The following KIF26B variants were observed in gnomAD, a reference collection of about 807,000 sequenced individuals.
The protein encoded by KIF26B is kinesin-like protein KIF26B.
Under a neutral mutation model 151.2 loss-of-function variants are expected in KIF26B, and 63 were observed. The ratio of observed to expected loss-of-function variants is 0.42; its 90% CI spans 0.34 to 0.51. The LOEUF (loss-of-function observed/expected upper bound fraction) is 0.51, where lower values mean the gene tolerates loss of function less well. KIF26B is among the 20% of genes least tolerant of loss of function. KIF26B has a pLI of 0.07. For missense variants in KIF26B, 2,813 were observed against 2,913.6 expected, an observed-to-expected ratio of 0.97 and a Z score of 0.79; for synonymous variants, 1,357 against 1,262.1, an observed-to-expected ratio of 1.08 and a Z score of -1.59.
intron 5 of KIF26B, among the ~76,000 whole-genome samples, chr1:245,584,483 A>C (rs1213634995): frequency 2.0e-5 from 3 of 152,208 alleles, no homozygotes; most frequent in Non-Finnish European, 4.4e-5. Context: ...GAAGTGCTAA[A>C]GATTATCCTC....
intron 6 of KIF26B, among the ~76,000 whole-genome samples, chr1:245,604,691 T>C (rs573809983): frequency 6.6e-6 from 1 of 152,340 alleles, no homozygotes; most frequent in South Asian, 2.1e-4. Flanking sequence ...TCCATTTTAA[T>C]TGCTAGTCTT....
rs796990120 is a variant in KIF26B, at chr1:245,460,530, C to A, written c.1166+40785C>A. Among the ~76,000 whole-genome samples, 5 of 152,252 alleles carry A rather than the reference C, an allele frequency of 3.3e-5. No individual in the cohort carries two copies. In the South Asian group the frequency reaches 8.3e-4, roughly 25 times the overall value. Reference sequence around the variant, plus strand: ...ACCATATAGTTTAAAATATTTACCACCCTAGCCTTTGCAGAAAGTTCGCCC... The same window carrying A: ...ACCATATAGTTTAAAATATTTACCAACCTAGCCTTTGCAGAAAGTTCGCCC... On this transcript the variant is annotated intron_variant, in intron 4 of 14. Transcript: ENST00000407071.
At chr1:245,482,452 A>G (rs1231226539) in intron 4 of KIF26B, among the ~76,000 whole-genome samples, 2 of 151,928 alleles carry the variant, frequency 1.3e-5, no homozygotes, top group East Asian at 3.9e-4. Context: ...TTAGAACTAG[A>G]CGAGTATTCA....
At chr1:245,514,735 G>A (rs1390543887) in intron 4 of KIF26B, among the ~76,000 whole-genome samples, 2 of 152,108 alleles carry the variant, frequency 1.3e-5, no homozygotes, top group African/African-American at 4.8e-5. Context: ...TGGCGATTAG[G>A]TAACATCTGA....
intron 3 of KIF26B, among the ~76,000 whole-genome samples, chr1:245,373,289 T>C (rs1673169386): frequency 6.6e-6 from 1 of 152,186 alleles, no homozygotes; most frequent in African/African-American, 2.4e-5. Context: ...GCCAAAGACC[T>C]ATCTAGAACC....
intron 3 of KIF26B, among the ~76,000 whole-genome samples, chr1:245,410,460 A>G (rs1469236004): frequency 6.6e-6 from 1 of 151,498 alleles, no homozygotes; most frequent in East Asian, 1.9e-4. Flanking sequence ...TCTCTCTCTT[A>G]TTTTTTGAGA....
rs1031499529 is a variant in KIF26B at position 245,218,708 on chromosome 1, A to C, written c.465+62025A>C. The stretch of plus-strand genomic sequence containing the variant: ...TTTCACATGTGCGCTCTAGCTCAGA[A>C]TTTTAATAAGCAAATATACATGGTA... On this transcript the variant is annotated intron_variant, in intron 2 of 14. Transcript: ENST00000407071. This position sits in a 1 kb window ranked among gnomAD's most constrained non-coding sequence, Gnocchi z 4.1. Among the ~76,000 whole-genome samples, 2 of 152,210 alleles carry C rather than the reference A, an allele frequency of 1.3e-5. No individual in the cohort carries two copies. The highest frequency in any genetic ancestry group is 4.8e-5 in the African/African-American group (2 of 41,442).
intron 10 of KIF26B, among the ~76,000 whole-genome samples, chr1:245,660,823 TATC>T (rs2044128171): frequency 6.6e-6 from 1 of 152,008 alleles, no homozygotes; most frequent in Non-Finnish European, 1.5e-5. Context: ...TCATTGTAAT[TATC>T]ATTTTTTGAG....
At position 245,239,248 on chromosome 1, in the gene KIF26B, A is replaced by G. The variant is rs1293265540; in HGVS notation, c.465+82565A>G. 6.6e-6 allele frequency among the ~76,000 whole-genome samples: 1 copy of G among 152,218 alleles called. No individual in the cohort carries two copies. Among genetic ancestry groups the G allele is most frequent in the Non-Finnish European group, 1.5e-5 (1 of 68,032 alleles). The stretch of plus-strand genomic sequence containing the variant: ...GTCATCCGTGCAGATATCAGGCTGC[A>G]GTCCCGCAGAAAATGATGATGTTGC... On this transcript the variant is annotated intron_variant, in intron 2 of 14. Coordinates refer to ENST00000407071, the MANE Select transcript of KIF26B (RefSeq NM_018012.4). This position sits in a 1 kb window ranked among gnomAD's most constrained non-coding sequence, Gnocchi z 4.3.
chr1:245,401,771 G>A (rs1244296116), intron 3 of KIF26B, among the ~76,000 whole-genome samples: 1 of 152,186 alleles, frequency 6.6e-6, no homozygotes, highest in African/African-American at 2.4e-5. Flanking sequence ...TCAGGAGGCT[G>A]AGGCATGAGA....
At chr1:245,211,494 C>T (rs1471331520) in intron 2 of KIF26B, among the ~76,000 whole-genome samples, 1 of 152,060 alleles carries the variant, frequency 6.6e-6, no homozygotes, top group African/African-American at 2.4e-5. Context: ...AACTCCTAGA[C>T]TCAAGCAATC....
At chr1:245,471,976 G>C (rs973321953) in intron 4 of KIF26B, among the ~76,000 whole-genome samples, 1 of 152,132 alleles carries the variant, frequency 6.6e-6, no homozygotes, top group African/African-American at 2.4e-5. Context: ...ATTTTTAGTA[G>C]AGATGGGGTT....
chr1:245,612,313 A>G (rs1228283494), intron 9 of KIF26B, among the ~76,000 whole-genome samples: 3 of 152,010 alleles, frequency 2.0e-5, no homozygotes, highest in African/African-American at 7.2e-5. Flanking sequence ...GGACCTTGCT[A>G]TGTTGCCCAG....
At chr1:245,308,720 A>G (rs956310842) in intron 2 of KIF26B, among the ~76,000 whole-genome samples, 1 of 152,198 alleles carries the variant, frequency 6.6e-6, no homozygotes, top group Non-Finnish European at 1.5e-5. Flanking sequence ...CCTGGGCAAC[A>G]GAATAAGACC....
At chr1:245,169,371 G>A (rs1457483304) in intron 2 of KIF26B, among the ~76,000 whole-genome samples, 2 of 151,916 alleles carry the variant, frequency 1.3e-5, no homozygotes, top group African/African-American at 2.4e-5. Flanking sequence ...GTGCGCGCAA[G>A]CACTTTGTGG....
chr1:245,582,852 G>A (rs12733963), intron 5 of KIF26B, among the ~76,000 whole-genome samples: 22,942 of 152,124 alleles, frequency 0.15, 2,000 homozygotes, highest in Non-Finnish European at 0.19. Flanking sequence ...GCAGAGGTGA[G>A]CCATCTGCAG....
chr1:245,444,210 A>AGGTCATTTCCCTCACTGTTCACCCTGC (rs1157636033), intron 4 of KIF26B, among the ~76,000 whole-genome samples: 2 of 137,612 alleles, frequency 1.5e-5, no homozygotes, highest in Non-Finnish European at 3.2e-5. Context: ...CCTAGAGGAG[A>AGGTCATTTCCCTCACTGTTCACCCTGC]GGTCATCTCC....
chr1:245,548,367 T>G (rs1205214034), intron 5 of KIF26B, among the ~76,000 whole-genome samples: 4 of 152,166 alleles, frequency 2.6e-5, no homozygotes, highest in African/African-American at 9.7e-5. Flanking sequence ...AAGAGGCAGC[T>G]GCAAAAATGA....
chr1:245,674,330 G>C (rs1236451856), intron 10 of KIF26B, among the ~76,000 whole-genome samples: 1 of 152,156 alleles, frequency 6.6e-6, no homozygotes, highest in Non-Finnish European at 1.5e-5. Context: ...CAGACAATGT[G>C]AAACATGTCA....
Sources: gnomAD v4.1 joint callset for allele counts (sites outside exome capture counted in the v4.1 genomes callset) on GRCh38, gnomAD v4.1.1 for gene constraint, Gnocchi (gnomAD v3.1) non-coding constraint, MANE v1.5 for transcripts, NCBI Gene and HGNC (gene_info 2026-07-23, HGNC 2026-07-21) for gene names.